Variants in DPYD observed in about 807,000 individuals in gnomAD.
DPYD encodes dihydropyrimidine dehydrogenase [NADP(+)].
Under a neutral mutation model 116.2 loss-of-function variants are expected in DPYD, and 109 were observed. That is an observed-to-expected ratio of 0.94 (90% CI 0.80 to 1.10). The LOEUF (loss-of-function observed/expected upper bound fraction) is 1.10, where lower values mean the gene tolerates loss of function less well. Among genes scored for constraint, DPYD ranks in the 50% least tolerant of loss-of-function variants. DPYD has a pLI of 0.00. For missense variants in DPYD, 1,302 were observed against 1,254.5 expected (o/e 1.04, Z -0.57); for synonymous variants, 440 against 432.0 (o/e 1.02, Z -0.23).
intron 2 of DPYD, among the ~76,000 whole-genome samples, chr1:97,878,777 T>C (rs936578411): frequency 6.6e-6 from 1 of 151,980 alleles, no homozygotes; most frequent in Non-Finnish European, 1.5e-5. Flanking sequence ...GCCTTAACTG[T>C]TCTTCCTTCA....
chr1:97,600,817 C>T (rs1217438666), intron 8 of DPYD, among the ~76,000 whole-genome samples: 1 of 152,144 alleles, frequency 6.6e-6, no homozygotes, highest in African/African-American at 2.4e-5. Context: ...CCATGATATA[C>T]ACAGTTTATA....
rs867826803 is a variant in DPYD, at chr1:97,766,886, T to C, written c.234-26407A>G. ...CTAAGAAAACTAATCAGGTGCCAAA[T>C]AGAACATTTCTTCAGAAGTGGCCCA... On this transcript the variant is annotated intron_variant, in intron 3 of 22. Transcript: ENST00000370192. Among the ~76,000 whole-genome samples, 45 of 152,226 alleles carry C rather than the reference T, an allele frequency of 3.0e-4. 1 individual carries two copies. The highest frequency in any genetic ancestry group is 3.4e-3 in the Middle Eastern group (1 of 294).
chr1:97,721,617 A>G lies in DPYD; in HGVS notation c.376T>C (p.Cys126Arg). 1 of 1,611,744 alleles carries G rather than the reference A, an allele frequency of 6.2e-7. No homozygotes were observed. The highest frequency in any genetic ancestry group is 1.7e-4 in the Middle Eastern group (1 of 6,036). Residue 126 changes from cysteine (C) to arginine (R), a missense_variant, in exon 5 of 23, where the codon TGT becomes CGT. Cys to Arg is a radical substitution (Grantham distance 180, BLOSUM62 -3). Transcript: ENST00000370192. Reference protein sequence around the residue: ...IFSDNPLGLTCGMVCPTSDLC... With the variant: ...IFSDNPLGLTRGMVCPTSDLC... ...TCAGAGGTTGGACATACCATTCCAC[A>G]AGTCAGACCAAGTGGGTTGTCAGAA...
intron 14 of DPYD, among the ~76,000 whole-genome samples, chr1:97,413,923 G>C (rs1449958206): frequency 1.3e-5 from 2 of 151,202 alleles, no homozygotes; most frequent in Non-Finnish European, 2.9e-5. Context: ...TTTCTTAAGT[G>C]CACAACATAC....
At chr1:97,127,859 T>A (rs766633612) in intron 20 of DPYD, among the ~76,000 whole-genome samples, 1 of 152,174 alleles carries the variant, frequency 6.6e-6, no homozygotes, top group South Asian at 2.1e-4. Flanking sequence ...TCTTGGATTA[T>A]GGGAAGAGTA....
At chr1:97,576,475 T>C (rs940044540) in intron 10 of DPYD, among the ~76,000 whole-genome samples, 1 of 152,226 alleles carries the variant, frequency 6.6e-6, no homozygotes, top group Non-Finnish European at 1.5e-5. Context: ...TTATTACATA[T>C]AGATAATCTC....
At chr1:97,893,755 A>AACAAGGT (rs1672899820) in intron 1 of DPYD, among the ~76,000 whole-genome samples, 1 of 151,692 alleles carries the variant, frequency 6.6e-6, no homozygotes, top group Admixed American at 6.6e-5. Flanking sequence ...TCTCACACTC[A>AACAAGGT]ACAAGGTAAG....
chr1:97,533,139 T>TC (rs112745958), intron 12 of DPYD, among the ~76,000 whole-genome samples: 13,912 of 151,886 alleles, frequency 0.092, 834 homozygotes, highest in Middle Eastern at 0.19. Context: ...CATGATTCAA[T>TC]CACCCCCCAC....
At chr1:97,140,572 G>A (rs1299807774) in intron 20 of DPYD, among the ~76,000 whole-genome samples, 1 of 152,138 alleles carries the variant, frequency 6.6e-6, no homozygotes, top group African/African-American at 2.4e-5. Context: ...AGCCTCATAT[G>A]CTTCATCCTT....
intron 13 of DPYD, among the ~76,000 whole-genome samples, chr1:97,513,312 AAAC>A (rs1476049398): frequency 2.6e-5 from 4 of 151,796 alleles, no homozygotes; most frequent in East Asian, 3.9e-4. Flanking sequence ...CAATCCAGAA[AAAC>A]AACGAGGGAG....
At chr1:97,212,114 G>A (rs1468016386) in intron 19 of DPYD, among the ~76,000 whole-genome samples, 2 of 137,682 alleles carry the variant, frequency 1.5e-5, no homozygotes, top group Admixed American at 1.4e-4. Flanking sequence ...ACGTGTGCAA[G>A]GCAATGATAT....
chr1:97,267,703 T>G (rs1354044059), intron 18 of DPYD, among the ~76,000 whole-genome samples: 2 of 152,120 alleles, frequency 1.3e-5, no homozygotes, highest in African/African-American at 4.8e-5. Flanking sequence ...TGGAGACTTA[T>G]GGCCTAATCA....
intron 8 of DPYD, among the ~76,000 whole-genome samples, chr1:97,624,022 G>T (rs904322024): frequency 6.6e-6 from 1 of 152,050 alleles, no homozygotes; most frequent in Middle Eastern, 3.4e-3. Context: ...CTCTAAAATT[G>T]CCAGAAGAAA....
intron 8 of DPYD, among the ~76,000 whole-genome samples, chr1:97,626,616 T>C (rs993634365): frequency 6.6e-6 from 1 of 152,018 alleles, no homozygotes. Context: ...ATTGGTCTTC[T>C]AAAACAATGT....
intron 18 of DPYD, among the ~76,000 whole-genome samples, chr1:97,288,026 G>T (rs1248834127): frequency 1.3e-5 from 2 of 149,834 alleles, no homozygotes; most frequent in Non-Finnish European, 3.0e-5. Context: ...AAAAGGCAAG[G>T]GTTGCAATCC....
intron 8 of DPYD, among the ~76,000 whole-genome samples, chr1:97,611,734 T>C (rs749773181): frequency 1.3e-5 from 2 of 152,012 alleles, no homozygotes; most frequent in Non-Finnish European, 2.9e-5. Context: ...TACCATCTTT[T>C]ACTACAGATT....
chr1:97,162,217 A>G (rs962673580), intron 20 of DPYD, among the ~76,000 whole-genome samples: 2 of 152,128 alleles, frequency 1.3e-5, no homozygotes, highest in Non-Finnish European at 2.9e-5. Context: ...ATTTGTCCAC[A>G]TCCTCTCCAG....
chr1:97,439,611 C>T (rs1675642222), intron 14 of DPYD, among the ~76,000 whole-genome samples: 1 of 151,854 alleles, frequency 6.6e-6, no homozygotes, highest in Non-Finnish European at 1.5e-5. Flanking sequence ...TTTTTGTTTC[C>T]TGATCAGTCT....
chr1:97,849,676 AG>A (rs1670479324), intron 2 of DPYD, among the ~76,000 whole-genome samples: 1 of 152,200 alleles, frequency 6.6e-6, no homozygotes, highest in South Asian at 2.1e-4. Context: ...TAATTTTCAA[AG>A]AACCTTAATA....
Sources: gnomAD v4.1 joint callset for allele counts (sites outside exome capture counted in the v4.1 genomes callset) on GRCh38, gnomAD v4.1.1 for gene constraint, MANE v1.5 for transcripts, NCBI Gene and HGNC (gene_info 2026-07-23, HGNC 2026-07-21) for gene names.